The following ASTN2 variants were observed in gnomAD, a reference collection of about 807,000 sequenced individuals.
ASTN2 encodes astrotactin-2.
In ASTN2, 54 loss-of-function variants were observed where a neutral mutation model predicts 139.8. The ratio of observed to expected loss-of-function variants is 0.39; its 90% CI spans 0.31 to 0.48. The LOEUF is 0.48. Among genes scored for constraint, ASTN2 ranks in the 20% least tolerant of loss-of-function variants. ASTN2 has a pLI of 0.95. For synonymous variants in ASTN2, 756 were observed against 719.5 expected, an observed-to-expected ratio of 1.05 and a Z score of -0.81; for missense variants, 1,565 against 1,725.1, an observed-to-expected ratio of 0.91 and a Z score of 1.64.
At chr9:116,486,410 G>A (rs78008772) in intron 20 of ASTN2, among the ~76,000 whole-genome samples, 3 of 152,194 alleles carry the variant, frequency 2.0e-5, no homozygotes, top group South Asian at 2.1e-4. Context: ...ATGAAGAGAC[G>A]AATGGATGGA....
chr9:117,349,147 C>T (rs2130877173), intron 1 of ASTN2, among the ~76,000 whole-genome samples: 1 of 152,300 alleles, frequency 6.6e-6, no homozygotes, highest in South Asian at 2.1e-4. Context: ...AAACGGTATG[C>T]TCATGCACAC....
In ASTN2 at chr9:116,434,530, T is replaced by C. The variant is rs79281161; in HGVS notation, c.3782+6079A>G. Among the ~76,000 whole-genome samples the C allele has an allele frequency of 2.9e-3, 446 of 152,368 alleles. 1 individual carries two copies. Among genetic ancestry groups the C allele is most frequent in the Non-Finnish European group, 5.2e-3 (355 of 68,040 alleles). On this transcript the variant is annotated intron_variant, in intron 22 of 22. Coordinates refer to ENST00000313400, the MANE Select transcript of ASTN2 (RefSeq NM_001365068.1). ...TGCGATCTATTCGTAATGTCTGCCA[T>C]GGAGGCAAGAGGAGCTGACATCATA...
intron 10 of ASTN2, among the ~76,000 whole-genome samples, chr9:116,916,501 G>A (rs143909661): frequency 6.6e-6 from 1 of 152,224 alleles, no homozygotes; most frequent in East Asian, 1.9e-4. Context: ...GTCTTTGGCC[G>A]TCTGACACCA....
chr9:116,453,593 CAAAAAAAAAAAAA>C (rs386416019), intron 20 of ASTN2, among the ~76,000 whole-genome samples: 11 of 58,786 alleles, frequency 1.9e-4, no homozygotes, highest in Non-Finnish European at 2.7e-4. Context: ...GACTCCGTCT[CAAAAAAAAAAAAA>C]AAAAAAAAAA....
At chr9:116,427,638 T>G (rs1847350121) in intron 22 of ASTN2, among the ~76,000 whole-genome samples, 1 of 152,246 alleles carries the variant, frequency 6.6e-6, no homozygotes, top group Admixed American at 6.5e-5. Flanking sequence ...TGGGAGACTG[T>G]GTTAGGCACC....
At chr9:116,953,580 G>T (rs1835624372) in intron 10 of ASTN2, among the ~76,000 whole-genome samples, 1 of 152,186 alleles carries the variant, frequency 6.6e-6, no homozygotes, top group African/African-American at 2.4e-5. Flanking sequence ...TGTCCAACAA[G>T]AATGCTGACA....
At chr9:117,057,825 CT>C (rs1215510135) in intron 5 of ASTN2, among the ~76,000 whole-genome samples, 1 of 152,172 alleles carries the variant, frequency 6.6e-6, no homozygotes, top group African/African-American at 2.4e-5. Flanking sequence ...TTATCAGTCT[CT>C]GGTTACACGA....
chr9:116,888,025 G>A (rs989929285), intron 10 of ASTN2, among the ~76,000 whole-genome samples: 10 of 152,074 alleles, frequency 6.6e-5, no homozygotes, highest in Non-Finnish European at 1.2e-4. Flanking sequence ...GTAAAATTTC[G>A]TATTGATAAT....
Position 116,895,454 on chromosome 9 carries a change from C to G in ASTN2, c.1890-31721G>C, listed in dbSNP as rs372934527. ...AGGGGTCAAGTCTTTGCTAGGAGAC[C>G]AAAGGGATGCTCTGTATCTATTCAT... On this transcript the variant is annotated intron_variant, in intron 10 of 22. Coordinates refer to ENST00000313400, the MANE Select transcript of ASTN2 (RefSeq NM_001365068.1). Among the ~76,000 whole-genome samples, 39 of 152,196 alleles carry G rather than the reference C, an allele frequency of 2.6e-4. No individual in the cohort carries two copies. In the South Asian group the frequency reaches 7.9e-3, roughly 31 times the overall value.
chr9:116,871,791 A>G (rs1483703053), intron 10 of ASTN2, among the ~76,000 whole-genome samples: 1 of 152,146 alleles, frequency 6.6e-6, no homozygotes. Flanking sequence ...ACAGGTTTTT[A>G]TGTAGATACA....
intron 10 of ASTN2, among the ~76,000 whole-genome samples, chr9:116,936,948 C>T (rs1835099584): frequency 6.6e-6 from 1 of 152,158 alleles, no homozygotes; most frequent in Admixed American, 6.5e-5. Flanking sequence ...AAACATAGGA[C>T]TCTAGGGCCT....
At chr9:117,012,414 G>T (rs116999390) in intron 6 of ASTN2, among the ~76,000 whole-genome samples, 2,084 of 152,240 alleles carry the variant, frequency 0.014, 30 homozygotes, top group Non-Finnish European at 0.019. Flanking sequence ...AAGTAACTTT[G>T]TGCCAAATTT....
intron 1 of ASTN2, among the ~76,000 whole-genome samples, chr9:117,379,751 T>G (rs1830216761): frequency 6.6e-6 from 1 of 152,110 alleles, no homozygotes; most frequent in Admixed American, 6.6e-5. Context: ...CAAAAGAAGA[T>G]AAAATAAGAA....
chr9:116,946,859 C>A (rs914714827), intron 10 of ASTN2, among the ~76,000 whole-genome samples: 2 of 151,258 alleles, frequency 1.3e-5, no homozygotes, highest in African/African-American at 4.9e-5. Flanking sequence ...TTTCCCCATG[C>A]CACCCCCAAC....
chr9:116,769,537 A>G (rs1039403613), intron 13 of ASTN2, among the ~76,000 whole-genome samples: 5 of 152,324 alleles, frequency 3.3e-5, no homozygotes, highest in Non-Finnish European at 5.9e-5. Flanking sequence ...AACAGGAGAG[A>G]GGAAGATACT....
In ASTN2 at chr9:116,530,071, C is replaced by G. The variant is rs530308817; in HGVS notation, c.3356-42571G>C. ...ATATGGAATCAACCTGAGTATTCAT[C>G]AGTGGATGAATGGATAAAGTGTGAT... On this transcript the variant is annotated intron_variant, in intron 19 of 22. Transcript: ENST00000313400. 2.4e-5 allele frequency among the ~76,000 whole-genome samples: 3 copies of G among 125,532 alleles called. No individual in the cohort carries two copies. In the Admixed American group the frequency reaches 2.7e-4, roughly 11 times the overall value. The allele number at this position is 125,532 out of a possible 152,430, so 82.4% of individuals were successfully genotyped here.
chr9:117,359,066 C>G (rs1184014643), intron 1 of ASTN2, among the ~76,000 whole-genome samples: 1 of 152,152 alleles, frequency 6.6e-6, no homozygotes, highest in Non-Finnish European at 1.5e-5. Context: ...GCCCTTTTCT[C>G]TGTGCAAAAC....
At chr9:116,575,869 A>C (rs1179285086) in intron 19 of ASTN2, among the ~76,000 whole-genome samples, 1 of 152,174 alleles carries the variant, frequency 6.6e-6, no homozygotes, top group Non-Finnish European at 1.5e-5. Context: ...CTGGGGAGTT[A>C]TCCAGCTAAA....
chr9:116,461,360 C>A (rs1465296954), intron 20 of ASTN2, among the ~76,000 whole-genome samples: 1 of 151,906 alleles, frequency 6.6e-6, no homozygotes, highest in Admixed American at 6.6e-5. Flanking sequence ...AGTAGGACCT[C>A]AAAAACTGTT....
Sources: gnomAD v4.1 joint callset for allele counts (sites outside exome capture counted in the v4.1 genomes callset) on GRCh38, gnomAD v4.1.1 for gene constraint, MANE v1.5 for transcripts, NCBI Gene and HGNC (gene_info 2026-07-23, HGNC 2026-07-21) for gene names.